The following SV2C variants were observed in gnomAD, a reference collection of about 807,000 sequenced individuals.
SV2C encodes synaptic vesicle glycoprotein 2C, also known as solute carrier family 22 member B3.
A neutral mutation model predicts 79.7 loss-of-function variants in SV2C; 49 were observed. The observed-to-expected ratio is 0.61, with a 90% CI of 0.49 to 0.78. The LOEUF is 0.78. Among genes scored for constraint, SV2C ranks in the 30% least tolerant of loss-of-function variants. The pLI, the probability that SV2C is intolerant of heterozygous loss-of-function variation, is 0.00. For missense variants in SV2C, 833 were observed against 912.9 expected (o/e 0.91, Z 1.13); for synonymous variants, 334 against 333.2 (o/e 1.00, Z -0.03).
chr5:75,898,114 G>C, the SV2C span, among the ~76,000 whole-genome samples: 2 of 152,114 alleles, frequency 1.3e-5, no homozygotes, highest in African/African-American at 4.8e-5. Flanking sequence ...TGTTGAATAG[G>C]AGTAGTGAGA....
chr5:76,346,546 G>A (rs1335885797), intron 12 of SV2C, among the ~76,000 whole-genome samples: 1 of 152,172 alleles, frequency 6.6e-6, no homozygotes, highest in Non-Finnish European at 1.5e-5. Context: ...GTCTTAGCAA[G>A]TACTTAGCAC....
At chr5:76,304,712 C>T (rs1748126744) in intron 12 of SV2C, among the ~76,000 whole-genome samples, 1 of 152,180 alleles carries the variant, frequency 6.6e-6, no homozygotes, top group African/African-American at 2.4e-5. Flanking sequence ...TGTGTCCTCA[C>T]ATGGTGGAAG....
At position 76,285,145 on chromosome 5, in the gene SV2C, G is replaced by A. The variant is rs757598031; in HGVS notation, c.914-17G>A. The A allele has an allele frequency of 1.4e-5, 22 of 1,613,518 alleles. 1 individual carries two copies. Among genetic ancestry groups the A allele is most frequent in the South Asian group, 5.5e-5 (5 of 90,970 alleles). The stretch of plus-strand genomic sequence containing the variant: ...TGGGAGGAGCTCTCCCTCACTCTCC[G>A]TGTCCTCCTTTTCCAGGGTGGAGCT... On this transcript the variant is annotated splice_polypyrimidine_tract_variant and intron_variant, in intron 4 of 12. Transcript: ENST00000502798.
At chr5:75,949,559 C>A in the SV2C span, among the ~76,000 whole-genome samples, 1 of 151,976 alleles carries the variant, frequency 6.6e-6, no homozygotes, top group Non-Finnish European at 1.5e-5. Flanking sequence ...TGGGAGATAG[C>A]TGGATCATAG....
the SV2C span, among the ~76,000 whole-genome samples, chr5:75,898,022 A>G: frequency 1.3e-5 from 2 of 151,848 alleles, no homozygotes; most frequent in Admixed American, 6.6e-5. Flanking sequence ...AAACAGGGAC[A>G]ATTTGACTTC....
At chr5:75,919,623 C>T in the SV2C span, among the ~76,000 whole-genome samples, 3 of 152,168 alleles carry the variant, frequency 2.0e-5, no homozygotes, top group African/African-American at 7.2e-5. Flanking sequence ...CTGCTCTCAT[C>T]CTAATTAAAC....
chr5:76,236,194 G>A (rs1745604892), intron 4 of SV2C, among the ~76,000 whole-genome samples: 2 of 152,192 alleles, frequency 1.3e-5, no homozygotes, highest in Admixed American at 1.3e-4. Flanking sequence ...GCACGTAAAA[G>A]TTAGTTCATA....
At chr5:76,223,432 T>TATACATAC (rs772572893) in intron 4 of SV2C, among the ~76,000 whole-genome samples, 27 of 84,190 alleles carry the variant, frequency 3.2e-4, no homozygotes, top group Non-Finnish European at 5.0e-4. Context: ...TGTCTCTTTA[T>TATACATAC]ATACATACAT....
chr5:75,993,197 A>AT, the SV2C span, among the ~76,000 whole-genome samples: 1 of 152,044 alleles, frequency 6.6e-6, no homozygotes, highest in Non-Finnish European at 1.5e-5. Context: ...TAATTTTACT[A>AT]TTTTTCATGT....
chr5:76,096,864 T>C (rs568002117), intron 1 of SV2C, among the ~76,000 whole-genome samples: 2 of 152,300 alleles, frequency 1.3e-5, no homozygotes, highest in Non-Finnish European at 2.9e-5. Context: ...AGCTGGGACA[T>C]TGATCTTCTA....
At chr5:75,863,066 A>G in the SV2C span, among the ~76,000 whole-genome samples, 9 of 152,322 alleles carry the variant, frequency 5.9e-5, no homozygotes, top group Non-Finnish European at 1.3e-4. Context: ...TCAAATGTTT[A>G]CAGCCAGAAA....
chr5:76,153,631 G>T (rs574016878), intron 2 of SV2C, among the ~76,000 whole-genome samples: 1 of 152,178 alleles, frequency 6.6e-6, no homozygotes, highest in Admixed American at 6.5e-5. Context: ...TTTTACAGAT[G>T]CTATACCAAG....
chr5:76,059,957 T>C, the SV2C span, among the ~76,000 whole-genome samples: 9 of 152,120 alleles, frequency 5.9e-5, no homozygotes, highest in Non-Finnish European at 1.2e-4. Context: ...TCCTTGTATA[T>C]CTCCATCAGA....
intron 12 of SV2C, among the ~76,000 whole-genome samples, chr5:76,317,440 C>G (rs1047693860): frequency 6.6e-6 from 1 of 151,402 alleles, no homozygotes; most frequent in African/African-American, 2.4e-5. Context: ...ACCACCCCCC[C>G]CAACACACAC....
chr5:76,023,696 A>ATATG, the SV2C span, among the ~76,000 whole-genome samples: 260 of 132,610 alleles, frequency 2.0e-3, 6 homozygotes, highest in East Asian at 0.053. Flanking sequence ...ATATATATAT[A>ATATG]TATGTATGTA....
chr5:76,323,067 A>G (rs978472138), intron 12 of SV2C, among the ~76,000 whole-genome samples: 3 of 152,272 alleles, frequency 2.0e-5, no homozygotes, highest in Non-Finnish European at 4.4e-5. Context: ...TCTTCAGCAC[A>G]GCAAAAGAAA....
intron 1 of SV2C, among the ~76,000 whole-genome samples, chr5:76,115,979 C>T (rs10043369): frequency 0.2 from 31,190 of 152,202 alleles, 3,410 homozygotes; most frequent in East Asian, 0.42. Flanking sequence ...GCAGCATGGC[C>T]TATGCCCTAG....
At chr5:76,277,506 G>T (rs1747058194) in intron 4 of SV2C, among the ~76,000 whole-genome samples, 1 of 152,194 alleles carries the variant, frequency 6.6e-6, no homozygotes, top group Non-Finnish European at 1.5e-5. Flanking sequence ...GGGCACAATG[G>T]CTCACACCTG....
the SV2C span, among the ~76,000 whole-genome samples, chr5:75,870,804 A>G: frequency 1.3e-5 from 2 of 152,356 alleles, no homozygotes; most frequent in Admixed American, 1.3e-4. Context: ...TGAAGCTCCA[A>G]TACATCTGGC....
Sources: gnomAD v4.1 joint callset for allele counts (sites outside exome capture counted in the v4.1 genomes callset) on GRCh38, gnomAD v4.1.1 for gene constraint, MANE v1.5 for transcripts, NCBI Gene and HGNC (gene_info 2026-07-23, HGNC 2026-07-21) for gene names.